Variants in GFI1B observed in about 807,000 individuals in gnomAD.
GFI1B encodes the protein growth factor independent 1B transcriptional repressor, also known as zinc finger protein Gfi-1b.
A neutral mutation model predicts 35.3 loss-of-function variants in GFI1B; 20 were observed. The ratio of observed to expected loss-of-function variants is 0.57; its 90% CI spans 0.40 to 0.82. The LOEUF (loss-of-function observed/expected upper bound fraction) is 0.82, where lower values mean the gene tolerates loss of function less well. GFI1B is among the 40% of genes least tolerant of loss of function. The pLI is 0.00. For missense variants in GFI1B, 430 were observed against 446.3 expected (o/e 0.96, Z 0.33); for synonymous variants, 178 against 177.6 (o/e 1.00, Z -0.02).
At chr9:132,988,143 G>T (rs1588439686) in intron 3 of GFI1B, 54 bp from the exon 4 acceptor site, 1 of 1,564,318 alleles carries the variant, frequency 6.4e-7, no homozygotes, top group East Asian at 2.2e-5. Flanking sequence ...ACGCCACTGT[G>T]CCCAACCCCC....
chr9:132,983,190 CTTT>C (rs66711864), intron 1 of GFI1B, among the ~76,000 whole-genome samples: 18 of 98,622 alleles, frequency 1.8e-4, no homozygotes, highest in African/African-American at 5.4e-4. Context: ...TTTCTCCCTC[CTTT>C]TTTTTTTTTT....
In GFI1B at chr9:132,988,545, G is replaced by A. The variant is rs531475670; in HGVS notation, c.510+77G>A. 1.7e-4 allele frequency: 224 copies of A among 1,336,690 alleles called. 1 individual carries two copies. The highest frequency in any genetic ancestry group is 2.1e-4 in the Non-Finnish European group (203 of 950,400). 82.8% of individuals were successfully genotyped at this position (1,336,690 alleles called of 1,614,324 possible). Reference sequence around the variant, plus strand: ...TCTCAACTCACTGGCAGCTCTGGGCGTTCTCTGTGCTGTGAATGTTGGGGC... The same window carrying A: ...TCTCAACTCACTGGCAGCTCTGGGCATTCTCTGTGCTGTGAATGTTGGGGC... On this transcript the variant is annotated intron_variant, in intron 4 of 6. Coordinates refer to ENST00000372122, the MANE Select transcript of GFI1B (RefSeq NM_001377304.1).
At chr9:132,983,357 C>T (rs774705317) in intron 1 of GFI1B, among the ~76,000 whole-genome samples, 9 of 151,800 alleles carry the variant, frequency 5.9e-5, no homozygotes, top group East Asian at 3.9e-4. Flanking sequence ...CCACCATGCC[C>T]GGCTAATTTT....
intron 1 of GFI1B, among the ~76,000 whole-genome samples, chr9:132,980,721 C>A (rs1429972795): frequency 6.6e-6 from 1 of 152,146 alleles, no homozygotes; most frequent in Non-Finnish European, 1.5e-5. Context: ...ATTTCTGTCT[C>A]TATGAAATTG....
intron 1 of GFI1B, among the ~76,000 whole-genome samples, chr9:132,955,827 TGTG>T (rs1848276168): frequency 1.3e-5 from 2 of 151,808 alleles, no homozygotes; most frequent in Non-Finnish European, 2.9e-5. Context: ...TGTGTGTGTG[TGTG>T]TGTGTGTGTG....
chr9:132,945,574 C>T (rs1848057956), exon 1 of GFI1B: 1 of 154,092 alleles, frequency 6.5e-6, no homozygotes, highest in Non-Finnish European at 1.5e-5. Flanking sequence ...ATGATGGGCT[C>T]CATCCAGCAC....
intron 1 of GFI1B, among the ~76,000 whole-genome samples, chr9:132,948,373 C>G (rs1457543949): frequency 6.6e-6 from 1 of 152,178 alleles, no homozygotes; most frequent in Non-Finnish European, 1.5e-5. Context: ...TCCGGAGTCC[C>G]TGAAACCAGC....
intron 2 of GFI1B, chr9:132,972,848 C>CT (rs1848553863): frequency 6.6e-6 from 1 of 152,146 alleles, no homozygotes; most frequent in African/African-American, 2.4e-5. Flanking sequence ...GTGCCAGCCC[C>CT]GACGACAGGC....
At chr9:132,946,008 A>G (rs901645408) in intron 1 of GFI1B, among the ~76,000 whole-genome samples, 4 of 152,192 alleles carry the variant, frequency 2.6e-5, no homozygotes, top group African/African-American at 7.2e-5. Flanking sequence ...TATCGGGTAG[A>G]GCCGCTGCTA....
rs1202082073 is a variant in GFI1B, at chr9:132,987,323, A to T, written c.142A>T (p.Thr48Ser). ...QAPSNSPVLS[T>S]LFPNQCLDWT... ...TCCAAGCAACAGCCCTGTCCTTAGC[A>T]CTCTATTCCCAAACCAGTGCCTGGA... The change falls in exon 3 of 7, where the codon ACT becomes TCT. Residue 48 changes from threonine to serine, a missense_variant. Coordinates refer to ENST00000372122, the MANE Select transcript of GFI1B (RefSeq NM_001377304.1). The T allele has an allele frequency of 1.9e-6, 3 of 1,614,086 alleles. 1 individual carries two copies. The highest frequency in any genetic ancestry group is 2.2e-5 in the South Asian group (2 of 91,084).
At chr9:132,981,835 C>G (rs1848831820) in intron 1 of GFI1B, among the ~76,000 whole-genome samples, 1 of 152,120 alleles carries the variant, frequency 6.6e-6, no homozygotes, top group Non-Finnish European at 1.5e-5. Context: ...TCACCGCAAC[C>G]TCCGCCTTCT....
chr9:132,966,797 A>G (rs1045039486), intron 1 of GFI1B, among the ~76,000 whole-genome samples: 5 of 152,224 alleles, frequency 3.3e-5, no homozygotes, highest in African/African-American at 1.2e-4. Context: ...CTCCTGATGC[A>G]GTGAAGCCCA....
chr9:132,973,217 A>T (rs1848561653), intron 2 of GFI1B, among the ~76,000 whole-genome samples: 1 of 152,230 alleles, frequency 6.6e-6, no homozygotes, highest in Non-Finnish European at 1.5e-5. Flanking sequence ...AAGTTCACAC[A>T]GCCGATGCCT....
Position 132,989,049 on chromosome 9 carries a change from C to T in GFI1B, c.511-12C>T, listed in dbSNP as rs60757417. 6.2e-7 allele frequency: 1 copy of T among 1,612,994 alleles called. No homozygotes were observed. Among genetic ancestry groups the T allele is most frequent in the African/African-American group, 1.3e-5 (1 of 74,896 alleles). On this transcript the variant is annotated splice_polypyrimidine_tract_variant and intron_variant, in intron 4 of 6. Coordinates refer to ENST00000372122, the MANE Select transcript of GFI1B (RefSeq NM_001377304.1). The surrounding 1 kb of genome is among the most constrained non-coding windows in gnomAD (Gnocchi z 6.2). ...AGCCCCCAGTGGCCTCACATGCTGC[C>T]CCTGCTCCCAGGTCTTCTCCACCCC...
upstream of GFI1B, among the ~76,000 whole-genome samples, chr9:132,977,935 C>T (rs1326188164): frequency 6.6e-6 from 1 of 152,196 alleles, no homozygotes; most frequent in East Asian, 1.9e-4. Context: ...CTCCAGGGTG[C>T]CTCTACCCGC....
At chr9:132,950,052 C>T (rs958077750) in intron 1 of GFI1B, among the ~76,000 whole-genome samples, 1 of 152,124 alleles carries the variant, frequency 6.6e-6, no homozygotes, top group Non-Finnish European at 1.5e-5. Context: ...GTTGAACCTG[C>T]AGTGAGCCAT....
chr9:132,990,805 G>A, intron 6 of GFI1B, 67 bp from the exon 7 acceptor site: 1 of 1,466,612 alleles, frequency 6.8e-7, no homozygotes, highest in Non-Finnish European at 9.5e-7. Context: ...GGCAGGGCAG[G>A]GGAGCAGCAG....
intron 1 of GFI1B, among the ~76,000 whole-genome samples, chr9:132,966,830 G>A (rs1010343540): frequency 2.0e-5 from 3 of 152,178 alleles, no homozygotes; most frequent in Admixed American, 6.5e-5. Context: ...TGAAGTATCC[G>A]TGCCTAAAAC....
intron 1 of GFI1B, among the ~76,000 whole-genome samples, chr9:132,972,423 AAAAC>A (rs1258752557): frequency 6.6e-6 from 1 of 150,400 alleles, no homozygotes; most frequent in Admixed American, 6.6e-5. Context: ...CTCCGTTTCA[AAAAC>A]AAACAAACAA....
Sources: allele counts gnomAD v4.1 joint callset (sites outside exome capture counted in the v4.1 genomes callset), GRCh38; gene constraint gnomAD v4.1.1; non-coding constraint Gnocchi (gnomAD v3.1); transcripts MANE v1.5; gene names NCBI Gene and HGNC (gene_info 2026-07-23, HGNC 2026-07-21).